The following ADGRG7 variants were observed in gnomAD, a reference collection of about 807,000 sequenced individuals.
ADGRG7 encodes the protein adhesion G protein-coupled receptor G7.
In ADGRG7, 82 loss-of-function variants were observed where a neutral mutation model predicts 88.6. The observed-to-expected ratio is 0.93, with a 90% confidence interval of 0.77 to 1.11. The LOEUF is 1.11. ADGRG7 is among the 50% of genes most tolerant of loss of function. The pLI is 0.00. For synonymous variants in ADGRG7, 381 were observed against 345.2 expected (o/e 1.10, Z -1.15); for missense variants, 945 against 953.4 (o/e 0.99, Z 0.12).
intron 1 of ADGRG7, among the ~76,000 whole-genome samples, chr3:100,610,189 C>T (rs1183344355): frequency 6.6e-6 from 1 of 152,132 alleles, no homozygotes; most frequent in Non-Finnish European, 1.5e-5. Flanking sequence ...GGAAGAGTGA[C>T]ATAATTGAAT....
intron 5 of ADGRG7, among the ~76,000 whole-genome samples, chr3:100,636,438 C>A: frequency 6.6e-6 from 1 of 152,130 alleles, no homozygotes; most frequent in Non-Finnish European, 1.5e-5. Context: ...AAACTTTAAG[C>A]CTAGTTTACA....
chr3:100,649,328 T>C (rs967555677), intron 10 of ADGRG7, among the ~76,000 whole-genome samples: 2 of 152,226 alleles, frequency 1.3e-5, no homozygotes, highest in Non-Finnish European at 2.9e-5. Context: ...GCAAAACTGG[T>C]ATATGCAGGT....
chr3:100,686,817 C>G (rs2094983543), intron 15 of ADGRG7, among the ~76,000 whole-genome samples: 1 of 152,164 alleles, frequency 6.6e-6, no homozygotes, highest in South Asian at 2.1e-4. Flanking sequence ...CATGATGCCT[C>G]CAGCTTTGTT....
At chr3:100,659,268 TA>T (rs888624071) in intron 13 of ADGRG7, among the ~76,000 whole-genome samples, 243 of 142,570 alleles carry the variant, frequency 1.7e-3, no homozygotes, top group Admixed American at 1.6e-3. Context: ...CCGTCTCTAC[TA>T]AAAAAAAAAA....
In ADGRG7 at chr3:100,649,101, G is replaced by A. The variant is rs372629277; in HGVS notation, c.1267-594G>A. Among the ~76,000 whole-genome samples the A allele has an allele frequency of 3.3e-5, 5 of 152,228 alleles. No homozygotes were observed. In the East Asian group the frequency reaches 5.8e-4, roughly 18 times the overall value. ...CAGTTACACATAAAAATAATGTCAT[G>A]AATAAGTGAGGCAACTTTTGACAAT... On this transcript the variant is annotated intron_variant, in intron 10 of 15. Transcript: ENST00000273352.
intron 11 of ADGRG7, among the ~76,000 whole-genome samples, chr3:100,652,262 T>G (rs2094930541): frequency 6.6e-6 from 1 of 152,186 alleles, no homozygotes; most frequent in Non-Finnish European, 1.5e-5. Context: ...TCTGTTTGAA[T>G]GAAAGCTTTT....
At chr3:100,679,235 A>G (rs969155061) in intron 15 of ADGRG7, among the ~76,000 whole-genome samples, 1 of 152,068 alleles carries the variant, frequency 6.6e-6, no homozygotes, top group Non-Finnish European at 1.5e-5. Flanking sequence ...GTCTCTTTCC[A>G]TGGCTACCAC....
At chr3:100,679,421 G>A (rs1482563115) in intron 15 of ADGRG7, among the ~76,000 whole-genome samples, 1 of 152,180 alleles carries the variant, frequency 6.6e-6, no homozygotes. Flanking sequence ...GAGACCCCAA[G>A]AGCCTGCTTG....
At chr3:100,623,048 C>T (rs1466330426) in intron 1 of ADGRG7, among the ~76,000 whole-genome samples, 1 of 151,978 alleles carries the variant, frequency 6.6e-6, no homozygotes, top group African/African-American at 2.4e-5. Context: ...CAGGCAGGAG[C>T]CACTGTGTCT....
chr3:100,695,277 T>C lies in ADGRG7; in HGVS notation c.*276T>C, dbSNP rs2095000530. 2 of 329,422 alleles carry C rather than the reference T, an allele frequency of 6.1e-6. No individual in the cohort carries two copies. Among genetic ancestry groups the C allele is most frequent in the Admixed American group, 4.6e-5 (1 of 21,874 alleles). 20.4% of individuals were successfully genotyped at this position (329,422 alleles called of 1,614,324 possible). ...TATCGTTAAATCTTTGTGACACACT[T>C]TGACAAAAATGTAGAACCTATAACA... On this transcript the variant is annotated 3_prime_UTR_variant, in exon 16 of 16. Transcript: ENST00000273352.
intron 14 of ADGRG7, among the ~76,000 whole-genome samples, chr3:100,660,389 C>T (rs902292229): frequency 1.3e-5 from 2 of 152,162 alleles, no homozygotes; most frequent in Non-Finnish European, 2.9e-5. Context: ...AATGCAGCCT[C>T]GACTTCCTGG....
At chr3:100,656,992 A>G (rs1246495784) in intron 13 of ADGRG7, among the ~76,000 whole-genome samples, 2 of 152,164 alleles carry the variant, frequency 1.3e-5, no homozygotes, top group Non-Finnish European at 2.9e-5. Flanking sequence ...TTCACTTCAA[A>G]TTGCATTATT....
intron 15 of ADGRG7, among the ~76,000 whole-genome samples, chr3:100,674,686 T>G (rs900555576): frequency 6.6e-6 from 1 of 151,778 alleles, no homozygotes; most frequent in African/African-American, 2.4e-5. Flanking sequence ...CAAGCAATTC[T>G]CCTGCCTCAG....
At chr3:100,627,211 T>G (rs1355684622) in intron 1 of ADGRG7, among the ~76,000 whole-genome samples, 1 of 152,254 alleles carries the variant, frequency 6.6e-6, no homozygotes, top group African/African-American at 2.4e-5. Flanking sequence ...TAGTAGGTTC[T>G]TCACAGGTGA....
intron 6 of ADGRG7, among the ~76,000 whole-genome samples, chr3:100,639,122 AC>A (rs1344861439): frequency 6.6e-6 from 1 of 151,588 alleles, no homozygotes; most frequent in Non-Finnish European, 1.5e-5. Context: ...TACCTTACAA[AC>A]TTTTTTCTGT....
chr3:100,649,396 C>G (rs765709298), intron 10 of ADGRG7, among the ~76,000 whole-genome samples: 1 of 152,208 alleles, frequency 6.6e-6, no homozygotes, highest in Non-Finnish European at 1.5e-5. Flanking sequence ...GTATCCATGG[C>G]TTTTGGCATC....
chr3:100,626,147 T>C (rs1707377736), intron 1 of ADGRG7, among the ~76,000 whole-genome samples: 1 of 152,184 alleles, frequency 6.6e-6, no homozygotes, highest in Non-Finnish European at 1.5e-5. Flanking sequence ...GTCCTGGGCT[T>C]TTTTTGGTTG....
At chr3:100,669,371 C>G (rs2094955500) in intron 15 of ADGRG7, among the ~76,000 whole-genome samples, 1 of 151,416 alleles carries the variant, frequency 6.6e-6, no homozygotes, top group Non-Finnish European at 1.5e-5. Context: ...CGCCTGTAGT[C>G]CCAGCTAGGG....
intron 8 of ADGRG7, 87 bp from the exon 9 acceptor site, chr3:100,645,858 C>A (rs1239627821): frequency 5.1e-6 from 6 of 1,176,780 alleles, no homozygotes; most frequent in South Asian, 1.5e-5. Context: ...TATTAAGCAG[C>A]CATGCACTTC....
Sources: allele counts gnomAD v4.1 joint callset (sites outside exome capture counted in the v4.1 genomes callset), GRCh38; gene constraint gnomAD v4.1.1; transcripts MANE v1.5; gene names NCBI Gene and HGNC (gene_info 2026-07-23, HGNC 2026-07-21).